SOBP: variants seen among roughly 807,000 people sequenced by gnomAD.
The protein encoded by SOBP is sine oculis-binding protein homolog.
SOBP carries 4 observed loss-of-function variants against 53.6 expected under a neutral mutation model. That is an observed-to-expected ratio of 0.07 (90% CI 0.04 to 0.17). The LOEUF is 0.17. SOBP is among the 10% of genes least tolerant of loss of function. SOBP has a pLI of 1.00. For synonymous variants in SOBP, 584 were observed against 522.6 expected (o/e 1.12, Z -1.60); for missense variants, 1,088 against 1,204.7 (o/e 0.90, Z 1.43).
intron 4 of SOBP, among the ~76,000 whole-genome samples, chr6:107,569,654 G>A (rs1313095827): frequency 2.6e-5 from 4 of 152,192 alleles, no homozygotes; most frequent in Admixed American, 1.3e-4. Flanking sequence ...TTTGCAGCAC[G>A]GCTGGGCCCG....
rs551093564 is a variant in SOBP, at chr6:107,643,027, G to A, written c.*3+7558G>A. Among the ~76,000 whole-genome samples the A allele has an allele frequency of 5.3e-5, 8 of 152,284 alleles. No homozygotes were observed. The South Asian group carries it at 8.3e-4, about 16-fold the overall frequency. ...TTAGTTCTGCAAGTGTTTCTAAAAT[G>A]TTACTGTCTTAAATTTGAACCAACC... On this transcript the variant is annotated intron_variant, in intron 6 of 6. Coordinates refer to ENST00000317357, the MANE Select transcript of SOBP (RefSeq NM_018013.4).
At chr6:107,552,436 A>G (rs1478616164) in intron 4 of SOBP, among the ~76,000 whole-genome samples, 1 of 152,176 alleles carries the variant, frequency 6.6e-6, no homozygotes. Context: ...GTCAGAGGTG[A>G]GTTGTTGGGG....
At chr6:107,529,839 A>G (rs551652689) in intron 3 of SOBP, among the ~76,000 whole-genome samples, 13 of 152,334 alleles carry the variant, frequency 8.5e-5, no homozygotes, top group African/African-American at 2.9e-4. Context: ...AAAATGTTCT[A>G]TAGCTCTTGG....
chr6:107,645,696 C>T (rs1771527337), intron 6 of SOBP, among the ~76,000 whole-genome samples: 1 of 152,186 alleles, frequency 6.6e-6, no homozygotes, highest in African/African-American at 2.4e-5. Flanking sequence ...CACAAGTATT[C>T]AGTGATCACA....
Position 107,660,088 on chromosome 6 carries a change from G to C in SOBP, c.*1885G>C, listed in dbSNP as rs1456568676. The stretch of plus-strand genomic sequence containing the variant: ...TGGGTCACAACATTCTCCTCTCCCT[G>C]ACTGGTGTCAGATTCATCAAACAAA... On this transcript the variant is annotated 3_prime_UTR_variant, in exon 7 of 7. Coordinates refer to ENST00000317357, the MANE Select transcript of SOBP (RefSeq NM_018013.4). 1 of 152,524 alleles carries C rather than the reference G, an allele frequency of 6.6e-6. No individual in the cohort carries two copies. The highest frequency in any genetic ancestry group is 1.5e-5 in the Non-Finnish European group (1 of 68,026). 9.4% of individuals were successfully genotyped at this position (152,524 alleles called of 1,614,324 possible).
chr6:107,628,390 G>T (rs1770556081), intron 5 of SOBP, among the ~76,000 whole-genome samples: 1 of 152,104 alleles, frequency 6.6e-6, no homozygotes, highest in East Asian at 1.9e-4. Context: ...GTGGGGGCTG[G>T]TATCTGTGAG....
At chr6:107,547,095 T>C (rs1455817984) in intron 4 of SOBP, among the ~76,000 whole-genome samples, 1 of 152,218 alleles carries the variant, frequency 6.6e-6, no homozygotes, top group Non-Finnish European at 1.5e-5. Flanking sequence ...TCTTAGTTGC[T>C]TTCATTTGAA....
At chr6:107,582,550 T>C (rs1293273931) in intron 4 of SOBP, among the ~76,000 whole-genome samples, 1 of 148,622 alleles carries the variant, frequency 6.7e-6, no homozygotes, top group African/African-American at 2.5e-5. Flanking sequence ...GTTTCTGTTA[T>C]GGCAAAAAAA....
At chr6:107,521,465 AT>A (rs1783482205) in intron 3 of SOBP, among the ~76,000 whole-genome samples, 1 of 152,174 alleles carries the variant, frequency 6.6e-6, no homozygotes, top group Non-Finnish European at 1.5e-5. Context: ...GGAGTTTAAA[AT>A]TTTCTTAGAA....
At position 107,554,356 on chromosome 6, in the gene SOBP, G is replaced by A. The variant is rs1020608597; in HGVS notation, c.573+20746G>A. Among the ~76,000 whole-genome samples, 6 of 152,166 alleles carry A rather than the reference G, an allele frequency of 3.9e-5. No homozygotes were observed. In the East Asian group the frequency reaches 1.2e-3, roughly 29 times the overall value. ...ATGTTAAGGAGAGCTTCTTCCATTT[G>A]CATTACAGAGACTTGATGGATGTGG... On this transcript the variant is annotated intron_variant, in intron 4 of 6. Transcript: ENST00000317357.
chr6:107,650,606 T>C (rs757973203), intron 6 of SOBP, among the ~76,000 whole-genome samples: 1 of 152,232 alleles, frequency 6.6e-6, no homozygotes, highest in Non-Finnish European at 1.5e-5. Flanking sequence ...TGGGACACCA[T>C]GAACTGCACC....
At chr6:107,537,819 CAAAA>C (rs527261424) in intron 4 of SOBP, among the ~76,000 whole-genome samples, 3 of 94,662 alleles carry the variant, frequency 3.2e-5, no homozygotes, top group African/African-American at 3.8e-5. Flanking sequence ...GACCCTATCT[CAAAA>C]AAAAAAAAAA....
intron 5 of SOBP, among the ~76,000 whole-genome samples, chr6:107,598,111 A>G (rs1786014879): frequency 6.6e-6 from 1 of 152,172 alleles, no homozygotes; most frequent in South Asian, 2.1e-4. Context: ...CAAACAAAGT[A>G]TAATGTAAAA....
At position 107,635,574 on chromosome 6, in the gene SOBP, T is replaced by G; in HGVS notation, c.*3+105T>G. 6.7e-7 allele frequency: 1 copy of G among 1,500,380 alleles called. No individual in the cohort carries two copies. Among genetic ancestry groups the G allele is most frequent in the South Asian group, 1.1e-5 (1 of 87,438 alleles). The allele number at this position is 1,500,380 out of a possible 1,614,324, so 92.9% of individuals were successfully genotyped here. On this transcript the variant is annotated intron_variant, in intron 6 of 6. Coordinates refer to ENST00000317357, the MANE Select transcript of SOBP (RefSeq NM_018013.4). The surrounding 1 kb of genome is among the most constrained non-coding windows in gnomAD (Gnocchi z 4.5). Reference sequence around the variant, plus strand: ...TAATTATAGTCATGATTTTACCGTGTGTGTTTTATATTGCACACGGTGTGG... The same window carrying G: ...TAATTATAGTCATGATTTTACCGTGGGTGTTTTATATTGCACACGGTGTGG...
chr6:107,519,309 T>C (rs1783414141), intron 3 of SOBP, among the ~76,000 whole-genome samples: 1 of 150,082 alleles, frequency 6.7e-6, no homozygotes, highest in African/African-American at 2.5e-5. Context: ...TGTCCTACAA[T>C]GCACAGGACA....
At chr6:107,636,986 T>C (rs916388207) in intron 6 of SOBP, among the ~76,000 whole-genome samples, 5 of 151,698 alleles carry the variant, frequency 3.3e-5, no homozygotes, top group African/African-American at 1.2e-4. Flanking sequence ...CTGCATTTTT[T>C]AAAAAACCAC....
At chr6:107,630,731 AC>A (rs1770670062) in intron 5 of SOBP, among the ~76,000 whole-genome samples, 1 of 118,576 alleles carries the variant, frequency 8.4e-6, no homozygotes, top group African/African-American at 3.1e-5. Flanking sequence ...AAGGACACAC[AC>A]ACACACACAC....
At chr6:107,581,806 A>G (rs749436598) in intron 4 of SOBP, among the ~76,000 whole-genome samples, 8 of 152,278 alleles carry the variant, frequency 5.3e-5, no homozygotes, top group Non-Finnish European at 7.4e-5. Context: ...TATAAAATCA[A>G]TGGCCCCTTT....
chr6:107,534,226 A>T (rs1362071840), intron 4 of SOBP, among the ~76,000 whole-genome samples: 1 of 152,032 alleles, frequency 6.6e-6, no homozygotes, highest in East Asian at 1.9e-4. Flanking sequence ...CATCGTTAGA[A>T]TTTTTTTTGG....
Sources: allele counts gnomAD v4.1 joint callset (sites outside exome capture counted in the v4.1 genomes callset), GRCh38; gene constraint gnomAD v4.1.1; non-coding constraint Gnocchi (gnomAD v3.1); transcripts MANE v1.5; gene names NCBI Gene and HGNC (gene_info 2026-07-23, HGNC 2026-07-21).